Variants in TTN observed in about 807,000 individuals in gnomAD.
TTN encodes connectin.
In TTN, 1,525 loss-of-function variants were observed where a neutral mutation model predicts 3,223.0. The ratio of observed to expected loss-of-function variants is 0.47; its 90% CI spans 0.45 to 0.49. The LOEUF (loss-of-function observed/expected upper bound fraction) is 0.49, where lower values mean the gene tolerates loss of function less well. Ranked by LOEUF, TTN falls within the 20% of genes least tolerant of loss-of-function variation. The probability of loss-of-function intolerance (pLI) is 0.00; values close to 1 mark genes in which losing one functional copy is unlikely to be tolerated. For missense variants in TTN, 40,786 were observed against 43,424.0 expected, an observed-to-expected ratio of 0.94 and a Z score of 5.40; for synonymous variants, 14,094 against 15,161.0, an observed-to-expected ratio of 0.93 and a Z score of 5.17.
chr2:178,663,623 A>G lies in TTN; in HGVS notation c.36532+4T>C. On this transcript the variant is annotated splice_donor_region_variant and intron_variant, in intron 171 of 362. Transcript: ENST00000589042. ...ATCTGAAGCCTAAAATCAGTGACAAATACCTTTAACAGGTGGGACTTCAGG... is the reference window on the plus strand; with the variant it reads ...ATCTGAAGCCTAAAATCAGTGACAAGTACCTTTAACAGGTGGGACTTCAGG... 6.2e-7 allele frequency: 1 copy of G among 1,613,468 alleles called. No individual in the cohort carries two copies. Among genetic ancestry groups the G allele is most frequent in the Non-Finnish European group, 8.5e-7 (1 of 1,179,702 alleles).
Position 178,562,061 on chromosome 2 carries a change from T to C in TTN, c.84071A>G (p.Glu28024Gly). Residue 28024 changes from glutamate (E) to glycine (G), a missense_variant, in exon 326 of 363, where the codon GAA becomes GGA. Coordinates refer to ENST00000589042, the MANE Select transcript of TTN (RefSeq NM_001267550.2). ...AGTTCCAACATCTTCCTTTGAAGCTTCCTTAATAGATAGTGATGTTACAGT... is the reference window on the plus strand; with the variant it reads ...AGTTCCAACATCTTCCTTTGAAGCTCCCTTAATAGATAGTGATGTTACAGT... ...SKTVTSLSIK[E>G]ASKEDVGTYE... The C allele has an allele frequency of 6.2e-7, 1 of 1,613,398 alleles. No homozygotes were observed. Among genetic ancestry groups the C allele is most frequent in the Non-Finnish European group, 8.5e-7 (1 of 1,179,646 alleles).
At chr2:178,679,107 T>C (rs977809100) in intron 142 of TTN, among the ~76,000 whole-genome samples, 2 of 151,996 alleles carry the variant, frequency 1.3e-5, no homozygotes, top group African/African-American at 2.4e-5. Flanking sequence ...TGTATTTTAC[T>C]TGAAGAACTT....
Position 178,564,263 on chromosome 2 carries a change from C to G in TTN, c.81869G>C (p.Gly27290Ala), listed in dbSNP as rs200240728. The G allele has an allele frequency of 7.7e-5, 124 of 1,613,270 alleles. No homozygotes were observed. In the Middle Eastern group the frequency reaches 8.2e-4, roughly 11 times the overall value. The change falls in exon 326 of 363, where the codon GGA becomes GCA. Residue 27290 changes from glycine to alanine, a missense_variant. Physicochemically the swap from Gly to Ala is moderately conservative, Grantham distance 60. Transcript: ENST00000589042. The stretch of plus-strand genomic sequence containing the variant: ...GTCGGCTTCAAGAACAAAAGTCTCT[C>G]CTGCATGAACAACGATGACATCTTT... The part of the protein sequence containing the change: ...KYKDVIVVHA[G>A]ETFVLEADIR...
chr2:178,713,194 A>C lies in TTN; in HGVS notation c.26940T>G (p.Thr8980=), dbSNP rs1060503948. The C allele has an allele frequency of 6.2e-7, 1 of 1,613,740 alleles. No individual in the cohort carries two copies. The highest frequency in any genetic ancestry group is 1.7e-5 in the Admixed American group (1 of 59,974). ...RKYQTTLTDN[T]CALTVNMLEE... is the part of the protein sequence containing the mutation. ...CCAGCATGTTCACAGTTAAAGCACAAGTATTATCTGTCAGGGTGGTCTGGT... is the reference window on the plus strand; with the variant it reads ...CCAGCATGTTCACAGTTAAAGCACACGTATTATCTGTCAGGGTGGTCTGGT... The change falls in exon 93 of 363, where the codon ACT becomes ACG. Residue 8980 remains threonine (T), a synonymous_variant. Transcript: ENST00000589042.
At chr2:178,633,763 C>T in intron 231 of TTN, 54 bp downstream of exon 231, 1 of 1,606,620 alleles carries the variant, frequency 6.2e-7, no homozygotes, top group South Asian at 1.1e-5. Context: ...TTTTATTACT[C>T]CCCACTCCCA....
At chr2:178,747,680 TG>T in intron 47 of TTN, 1 of 1,613,072 alleles carries the variant, frequency 6.2e-7, no homozygotes, top group Non-Finnish European at 8.5e-7. Context: ...AAGTAAATAT[TG>T]TGTTAGGGAG....
In TTN at chr2:178,634,327, G is replaced by C; in HGVS notation, c.42415+39C>G. On this transcript the variant is annotated intron_variant, in intron 230 of 362. Transcript: ENST00000589042. The surrounding 1 kb of genome is among the most constrained non-coding windows in gnomAD (Gnocchi z 4.6). ...TATCTTTAAAGTCATATATTTGCAT[G>C]CCTTTATGGGATGTCACAGATCTCA... 6.4e-7 allele frequency: 1 copy of C among 1,574,174 alleles called. No individual in the cohort carries two copies. Among genetic ancestry groups the C allele is most frequent in the Non-Finnish European group, 8.5e-7 (1 of 1,169,752 alleles).
intron 63 of TTN, 23 bp downstream of exon 63, chr2:178,729,641 G>A: frequency 6.2e-7 from 1 of 1,613,602 alleles, no homozygotes. Flanking sequence ...AGCCAAAATG[G>A]AGAATAGATT....
chr2:178,639,280 C>T (rs1467220965), intron 223 of TTN, among the ~76,000 whole-genome samples: 2 of 151,934 alleles, frequency 1.3e-5, no homozygotes, highest in African/African-American at 4.8e-5. Flanking sequence ...ATTTCCAGAA[C>T]TTTTACATTA....
intron 205 of TTN, 25 bp from the exon 206 acceptor site, chr2:178,651,774 A>G (rs776670669): frequency 3.7e-5 from 60 of 1,610,746 alleles, no homozygotes; most frequent in Non-Finnish European, 4.8e-5. Context: ...GGTATGTTTT[A>G]GAAAGAACGA....
chr2:178,584,199 A>C, intron 311 of TTN, 77 bp downstream of exon 311: 1 of 1,487,522 alleles, frequency 6.7e-7, no homozygotes, highest in Non-Finnish European at 9.0e-7. Context: ...TTGGAGTCCA[A>C]ATCTTAGACT....
rs553263881 is a variant in TTN, at chr2:178,768,612, C to A, written c.9163+61G>T. On this transcript the variant is annotated intron_variant, in intron 38 of 362. Transcript: ENST00000589042. ...ATTTATCCATTCATTAATTGATACACTAAATTTTATAAAGCATGTATGACA... is the reference window on the plus strand; with the variant it reads ...ATTTATCCATTCATTAATTGATACAATAAATTTTATAAAGCATGTATGACA... 9.9e-6 allele frequency: 16 copies of A among 1,610,238 alleles called. No homozygotes were observed. The African/African-American group carries it at 1.7e-4, about 17-fold the overall frequency.
At chr2:178,684,132 C>CA (rs779744815) in intron 132 of TTN, 50 bp from the exon 133 acceptor site, 12 of 1,591,326 alleles carry the variant, frequency 7.5e-6, no homozygotes, top group Admixed American at 1.7e-5. Flanking sequence ...TTTCAAACCA[C>CA]AAAAAGGCAG....
In TTN at chr2:178,560,890, C is replaced by T. The variant is rs1222098369; in HGVS notation, c.85242G>A (p.Leu28414=). 3 of 1,613,568 alleles carry T rather than the reference C, an allele frequency of 1.9e-6. No individual in the cohort carries two copies. In the Admixed American group the frequency reaches 5.0e-5, roughly 27 times the overall value. Residue 28414 remains leucine (L), a synonymous_variant, in exon 326 of 363, where the codon TTG becomes TTA. Coordinates refer to ENST00000589042, the MANE Select transcript of TTN (RefSeq NM_001267550.2). ...TEIISTDNHT[L]LTVKDCIRRD... Reference sequence around the variant, plus strand: ...GTCTTATACAGTCTTTAACTGTTAACAAAGTATGATTGTCTGTTGAGATGA... The same window carrying T: ...GTCTTATACAGTCTTTAACTGTTAATAAAGTATGATTGTCTGTTGAGATGA...
Position 178,566,881 on chromosome 2 carries a change from C to T in TTN, c.79251G>A (p.Glu26417=), listed in dbSNP as rs369019463. 6.2e-7 allele frequency: 1 copy of T among 1,613,554 alleles called. No homozygotes were observed. Among genetic ancestry groups the T allele is most frequent in the Non-Finnish European group, 8.5e-7 (1 of 1,179,662 alleles). The change falls in exon 326 of 363, where the codon GAG becomes GAA. Residue 26417 remains glutamate, a synonymous_variant. Transcript: ENST00000589042. Reference sequence around the variant, plus strand: ...TTTTCTCTACAATGTAACCAATAATCTCACTTCCACCATCACTATCTGGAC... The same window carrying T: ...TTTTCTCTACAATGTAACCAATAATTTCACTTCCACCATCACTATCTGGAC... ...WNRPDSDGGS[E]IIGYIVEKRD... is the part of the protein sequence containing the mutation.
intron 103 of TTN, 42 bp downstream of exon 103, chr2:178,705,132 A>C: frequency 1.3e-6 from 2 of 1,599,598 alleles, no homozygotes; most frequent in Non-Finnish European, 1.7e-6. Context: ...GATGTTTTAA[A>C]TGTGACTTTT....
At chr2:178,688,056 A>G (rs946379268) in intron 127 of TTN, 55 bp downstream of exon 127, 40 of 1,481,880 alleles carry the variant, frequency 2.7e-5, no homozygotes, top group Non-Finnish European at 3.7e-5. Context: ...CAATTTGTGA[A>G]AGAAAACACC....
intron 122 of TTN, 54 bp downstream of exon 122, chr2:178,689,759 A>G: frequency 6.5e-7 from 1 of 1,536,620 alleles, no homozygotes; most frequent in Non-Finnish European, 8.8e-7. Context: ...ATTAAACACA[A>G]CATATTTTGT....
intron 46 of TTN, among the ~76,000 whole-genome samples, chr2:178,755,725 T>C (rs530135622): frequency 6.6e-6 from 1 of 152,314 alleles, no homozygotes; most frequent in Non-Finnish European, 1.5e-5. Flanking sequence ...ATTACAGGCA[T>C]GAGTCACTGT....
Sources: gnomAD v4.1 joint callset for allele counts (sites outside exome capture counted in the v4.1 genomes callset) on GRCh38, gnomAD v4.1.1 for gene constraint, Gnocchi (gnomAD v3.1) non-coding constraint, MANE v1.5 for transcripts, NCBI Gene and HGNC (gene_info 2026-07-23, HGNC 2026-07-21) for gene names.